Variants in GNL3L observed in about 807,000 individuals in gnomAD.
The protein encoded by GNL3L is guanine nucleotide-binding protein-like 3-like protein.
A neutral mutation model predicts 42.9 loss-of-function variants in GNL3L; 4 were observed. The ratio of observed to expected loss-of-function variants is 0.09; its 90% CI spans 0.05 to 0.21. The LOEUF (loss-of-function observed/expected upper bound fraction) is 0.21, where lower values mean the gene tolerates loss of function less well. Ranked by LOEUF, GNL3L falls within the 10% of genes least tolerant of loss-of-function variation. The pLI is 1.00. For synonymous variants in GNL3L, 159 were observed against 176.3 expected (o/e 0.90, Z 0.78); for missense variants, 412 against 481.7 (o/e 0.86, Z 1.36).
intron 16 of GNL3L, among the ~76,000 whole-genome samples, chrX:54,586,615 A>G (rs1446083733): frequency 8.9e-6 from 1 of 112,478 alleles, no homozygotes; most frequent in Non-Finnish European, 1.9e-5. Context: ...ACCTATGGCA[A>G]CTAGGGAAAG....
chrX:54,597,049 C>T (rs1317992914), intron 16 of GNL3L, among the ~76,000 whole-genome samples: 1 of 111,186 alleles, frequency 9.0e-6, no homozygotes, highest in Non-Finnish European at 1.9e-5. Flanking sequence ...TGCGGTGGAG[C>T]TGGTATCTAA....
intron 8 of GNL3L, among the ~76,000 whole-genome samples, chrX:54,544,717 A>G (rs1374220606): frequency 9.1e-6 from 1 of 110,385 alleles, no homozygotes; most frequent in Non-Finnish European, 1.9e-5. Flanking sequence ...ACTTCAGGTG[A>G]TCCACCCACC....
At chrX:54,589,682 A>C (rs1255672469) in intron 16 of GNL3L, among the ~76,000 whole-genome samples, 2 of 111,920 alleles carry the variant, frequency 1.8e-5, no homozygotes, top group Admixed American at 1.9e-4. Context: ...TATTGTACAC[A>C]GTGCTCCAAC....
In GNL3L at chrX:54,551,987, T is replaced by A. The variant is rs187373090; in HGVS notation, c.1181+13T>A. On this transcript the variant is annotated intron_variant, in intron 12 of 15. Coordinates refer to ENST00000360845, the MANE Select transcript of GNL3L (RefSeq NM_001184819.2). ...CTGACTGGGTGAGGTGAGGAGGGGG[T>A]TAGGGGTAAGGGTGAGGCCCGCTGG... is the stretch of plus-strand genomic sequence containing the variant. 8.3e-7 allele frequency: 1 copy of A among 1,203,746 alleles called. No homozygotes were observed. The highest frequency in any genetic ancestry group is 1.8e-5 in the African/African-American group (1 of 56,734).
intron 7 of GNL3L, 41 bp from the exon 8 acceptor site, chrX:54,544,182 G>C (rs1169930437): frequency 4.0e-6 from 3 of 758,880 alleles, no homozygotes; most frequent in Non-Finnish European, 6.1e-6. Context: ...TGGAGGTGTT[G>C]TTCTGCTTAC....
chrX:54,581,275 A>G (rs1461734353), intron 16 of GNL3L, among the ~76,000 whole-genome samples: 1 of 112,125 alleles, frequency 8.9e-6, no homozygotes, highest in Admixed American at 9.5e-5. Flanking sequence ...TCTGTAACCG[A>G]GGCTGAAGTG....
At position 54,564,474 on chromosome X, in the gene GNL3L, C is replaced by A. The variant is rs1925363510; in HGVS notation, c.*3872C>A. Among the ~76,000 whole-genome samples the A allele has an allele frequency of 2.1e-5, 2 of 95,250 alleles. No homozygotes were observed. Among genetic ancestry groups the A allele is most frequent in the Admixed American group, 1.3e-4 (1 of 7,930 alleles). The allele number at this position is 95,250 out of a possible 115,157, so 82.7% of individuals were successfully genotyped here. A position where few individuals can be genotyped will look rare whatever the true frequency, so the allele number is the denominator to read the frequency against. On this transcript the variant is annotated 3_prime_UTR_variant, in exon 16 of 16. Coordinates refer to ENST00000360845, the MANE Select transcript of GNL3L (RefSeq NM_001184819.2). Reference sequence around the variant, plus strand: ...GGCTGGAGTGGTGCAGTGGCGTGATCTCGGTTCACTGCAACCTCCGCCTCC... The same window carrying A: ...GGCTGGAGTGGTGCAGTGGCGTGATATCGGTTCACTGCAACCTCCGCCTCC...
rs1925263529 is a variant in GNL3L at position 54,561,303 on chromosome X, G to C, written c.*701G>C. Among the ~76,000 whole-genome samples the C allele has an allele frequency of 8.9e-6, 1 of 111,736 alleles. No homozygotes were observed. Among genetic ancestry groups the C allele is most frequent in the African/African-American group, 3.3e-5 (1 of 30,704 alleles). ...TAGACCTGGGGGTCCCTGCGGGAGG[G>C]TGATGGTTTCTTTACCACCCCACAG... On this transcript the variant is annotated 3_prime_UTR_variant, in exon 16 of 16. Coordinates refer to ENST00000360845, the MANE Select transcript of GNL3L (RefSeq NM_001184819.2).
intron 12 of GNL3L, 124 bp from the exon 13 acceptor site, chrX:54,552,168 C>T (rs1924963322): frequency 1.2e-6 from 1 of 829,429 alleles, no homozygotes; most frequent in Non-Finnish European, 1.8e-6. Context: ...CCTTCTTGTT[C>T]AGAAGCCACT....
the GNL3L span, among the ~76,000 whole-genome samples, chrX:54,639,582 G>A: frequency 2.7e-4 from 30 of 112,226 alleles, no homozygotes; most frequent in African/African-American, 9.4e-4. Context: ...GCGGTCGTGA[G>A]CCTTGAGCTT....
Position 54,562,690 on chromosome X carries a change from G to A in GNL3L, c.*2088G>A, listed in dbSNP as rs1443788925. On this transcript the variant is annotated 3_prime_UTR_variant, in exon 16 of 16. Coordinates refer to ENST00000360845, the MANE Select transcript of GNL3L (RefSeq NM_001184819.2). Reference sequence around the variant, plus strand: ...CACCTGTAATCCCAGTTATGCAGGAGGCTGAGGCAGGAGAATCACTTGATC... The same window carrying A: ...CACCTGTAATCCCAGTTATGCAGGAAGCTGAGGCAGGAGAATCACTTGATC... Among the ~76,000 whole-genome samples, 2 of 110,504 alleles carry A rather than the reference G, an allele frequency of 1.8e-5. No individual in the cohort carries two copies. The highest frequency in any genetic ancestry group is 6.6e-5 in the African/African-American group (2 of 30,328).
intron 16 of GNL3L, among the ~76,000 whole-genome samples, chrX:54,614,839 G>A (rs1926203548): frequency 9.0e-6 from 1 of 111,143 alleles, no homozygotes; most frequent in African/African-American, 3.3e-5. Flanking sequence ...GGGATTGCTT[G>A]GGATTCTTGC....
Position 54,564,094 on chromosome X carries a change from A to T in GNL3L, c.*3492A>T, listed in dbSNP as rs906996722. On this transcript the variant is annotated 3_prime_UTR_variant, in exon 16 of 16. Coordinates refer to ENST00000360845, the MANE Select transcript of GNL3L (RefSeq NM_001184819.2). ...GACCCTCAGATTCTGCTAACCACTGATTTGTTTTCTGCCCCTATAGTTTTG... is the reference window on the plus strand; with the variant it reads ...GACCCTCAGATTCTGCTAACCACTGTTTTGTTTTCTGCCCCTATAGTTTTG... Among the ~76,000 whole-genome samples the T allele has an allele frequency of 6.4e-5, 7 of 110,171 alleles. No individual in the cohort carries two copies. Among genetic ancestry groups the T allele is most frequent in the African/African-American group, 2.3e-4 (7 of 30,256 alleles).
downstream of GNL3L, among the ~76,000 whole-genome samples, chrX:54,567,385 G>T (rs865858151): frequency 5.5e-5 from 6 of 109,984 alleles, no homozygotes; most frequent in Admixed American, 5.9e-4. Flanking sequence ...GGTGGCTCAC[G>T]CCTGTAATCC....
At chrX:54,611,662 G>T (rs1374046635) in intron 16 of GNL3L, among the ~76,000 whole-genome samples, 1 of 111,987 alleles carries the variant, frequency 8.9e-6, no homozygotes, top group Non-Finnish European at 1.9e-5. Flanking sequence ...GGTTCTAAAA[G>T]TTCCTTTTGG....
chrX:54,632,030 G>A, the GNL3L span, among the ~76,000 whole-genome samples: 2 of 112,038 alleles, frequency 1.8e-5, no homozygotes, highest in Non-Finnish European at 3.8e-5. Flanking sequence ...CATTTATGAA[G>A]CTTAGTTTCA....
intron 5 of GNL3L, among the ~76,000 whole-genome samples, chrX:54,542,160 A>C (rs1219080805): frequency 8.9e-6 from 1 of 111,733 alleles, no homozygotes; most frequent in East Asian, 2.8e-4. Flanking sequence ...GGTTTGTTAC[A>C]TATGTATCCA....
In GNL3L at chrX:54,566,336, G is replaced by A. The variant is rs764324059; in HGVS notation, c.*5734G>A. On this transcript the variant is annotated 3_prime_UTR_variant, in exon 16 of 16. Transcript: ENST00000360845. ...CCACATTTTCTTTATCCAGTCTTTC[G>A]TTGATAGACATTTAGGTCGATTCCA... Among the ~76,000 whole-genome samples the A allele has an allele frequency of 1.1e-3, 125 of 111,681 alleles. No homozygotes were observed. The highest frequency in any genetic ancestry group is 2.1e-3 in the Non-Finnish European group (113 of 53,173).
At chrX:54,594,699 G>A (rs1925912708) in intron 16 of GNL3L, among the ~76,000 whole-genome samples, 1 of 110,120 alleles carries the variant, frequency 9.1e-6, no homozygotes, top group Admixed American at 9.7e-5. Context: ...CTTCCTTCCT[G>A]TCTTCTTTTT....
Sources: gnomAD v4.1 joint callset for allele counts (sites outside exome capture counted in the v4.1 genomes callset) on GRCh38, gnomAD v4.1.1 for gene constraint, MANE v1.5 for transcripts, NCBI Gene and HGNC (gene_info 2026-07-23, HGNC 2026-07-21) for gene names.